SLC5A8: variants seen among roughly 807,000 people sequenced by gnomAD.
The protein encoded by SLC5A8 is sodium-coupled monocarboxylate transporter 1.
In SLC5A8, 55 loss-of-function variants were observed where a neutral mutation model predicts 71.9. That is an observed-to-expected ratio of 0.77 (90% confidence interval 0.62 to 0.96). SLC5A8 has a LOEUF of 0.96. Among genes scored for constraint, SLC5A8 ranks in the 40% least tolerant of loss-of-function variants. The pLI, the probability that SLC5A8 is intolerant of heterozygous loss-of-function variation, is 0.00. For missense variants in SLC5A8, 701 were observed against 745.3 expected, an observed-to-expected ratio of 0.94 and a Z score of 0.69; for synonymous variants, 307 against 276.1, an observed-to-expected ratio of 1.11 and a Z score of -1.11.
At chr12:101,182,706 G>C in intron 9 of SLC5A8, 97 bp downstream of exon 9, 1 of 754,702 alleles carries the variant, frequency 1.3e-6, no homozygotes. Context: ...GTCATATTCA[G>C]AGGTCCTTCC....
At chr12:101,171,495 C>A (rs555298693) in intron 10 of SLC5A8, among the ~76,000 whole-genome samples, 228 of 152,286 alleles carry the variant, frequency 1.5e-3, no homozygotes, top group African/African-American at 5.3e-3. Flanking sequence ...AGAAATGGAT[C>A]TTCTGTAGGA....
intron 7 of SLC5A8, among the ~76,000 whole-genome samples, chr12:101,185,175 T>G (rs1369146193): frequency 6.6e-6 from 1 of 152,226 alleles, no homozygotes; most frequent in African/African-American, 2.4e-5. Context: ...TTTCAGTTCT[T>G]TTAGGACTGT....
intron 1 of SLC5A8, among the ~76,000 whole-genome samples, chr12:101,208,467 G>A (rs948558573): frequency 6.6e-6 from 1 of 152,294 alleles, no homozygotes; most frequent in East Asian, 1.9e-4. Flanking sequence ...AAGGACCAGT[G>A]CTGGGTGAGG....
chr12:101,180,126 A>G, intron 9 of SLC5A8, 30 bp from the exon 10 acceptor site: 1 of 1,605,000 alleles, frequency 6.2e-7, no homozygotes, highest in Non-Finnish European at 8.5e-7. Context: ...GCCAGTGTAA[A>G]ATCCACACCC....
rs754825784 is a variant in SLC5A8, at chr12:101,157,262, C to T, written c.*17G>A. On this transcript the variant is annotated 3_prime_UTR_variant, in exon 15 of 15. Transcript: ENST00000536262. Reference sequence around the variant, plus strand: ...AAATTGAAACATCATTTAAGGATATCTAGTATCAGAGCAGCTTCACAAACG... The same window carrying T: ...AAATTGAAACATCATTTAAGGATATTTAGTATCAGAGCAGCTTCACAAACG... The T allele has an allele frequency of 3.1e-6, 5 of 1,606,512 alleles. No individual in the cohort carries two copies. The East Asian group carries it at 8.9e-5, about 29-fold the overall frequency.
At chr12:101,157,940 T>G (rs2051682102) in intron 14 of SLC5A8, among the ~76,000 whole-genome samples, 1 of 151,996 alleles carries the variant, frequency 6.6e-6, no homozygotes, top group African/African-American at 2.4e-5. Flanking sequence ...AGATATAGGT[T>G]ATCAGAGGAT....
intron 7 of SLC5A8, among the ~76,000 whole-genome samples, chr12:101,186,653 G>A (rs752736562): frequency 2.8e-4 from 43 of 152,122 alleles, no homozygotes; most frequent in Non-Finnish European, 5.0e-4. Context: ...AACTTCTCTA[G>A]GCCTGAGTTC....
At position 101,162,935 on chromosome 12, in the gene SLC5A8, T is replaced by C. The variant is rs536387042; in HGVS notation, c.1527-858A>G. Reference sequence around the variant, plus strand: ...TAATTTCCACTAGTAGAAAGTGCTGTAAGGAAAGTAAAACAAGATGATGTG... The same window carrying C: ...TAATTTCCACTAGTAGAAAGTGCTGCAAGGAAAGTAAAACAAGATGATGTG... On this transcript the variant is annotated intron_variant, in intron 12 of 14. Transcript: ENST00000536262. 2.5e-3 allele frequency among the ~76,000 whole-genome samples: 373 copies of C among 152,194 alleles called. 2 individuals are homozygous for C. The highest frequency in any genetic ancestry group is 8.1e-3 in the African/African-American group (336 of 41,510).
intron 8 of SLC5A8, 40 bp downstream of exon 8, chr12:101,184,094 C>T (rs1476003189): frequency 6.4e-7 from 1 of 1,572,416 alleles, no homozygotes; most frequent in East Asian, 2.2e-5. Flanking sequence ...AGAAAGATCC[C>T]AACAGGGAAA....
Position 101,209,700 on chromosome 12 carries a change from C to A in SLC5A8, c.149G>T (p.Arg50Leu). The change falls in exon 1 of 15, where the codon CGC (arginine) becomes CTC (leucine). Residue 50 changes from arginine to leucine, a missense_variant. By Grantham distance (102) the Arg-to-Leu change is moderately radical. Transcript: ENST00000536262. Reference protein sequence around the residue: ...QTSKDFLMGGRRMTAVPVALS... With the variant: ...QTSKDFLMGGLRMTAVPVALS... ...CGCCACGGGCACTGCGGTCATTCTG[C>A]GGCCGCCCATCAGGAAGTCCTTGGA... 6.2e-7 allele frequency: 1 copy of A among 1,613,310 alleles called. No individual in the cohort carries two copies. Among genetic ancestry groups the A allele is most frequent in the African/African-American group, 1.3e-5 (1 of 75,066 alleles).
At chr12:101,158,553 TC>T (rs1159133825) in intron 13 of SLC5A8, among the ~76,000 whole-genome samples, 3 of 26,030 alleles carry the variant, frequency 1.2e-4, no homozygotes, top group East Asian at 2.3e-3. Flanking sequence ...AATATGAGTC[TC>T]TCTCTCTCTC....
rs150170349 is a variant in SLC5A8 at position 101,176,989 on chromosome 12, G to A, written c.1233+3040C>T. ...AAAAATCAATGAAAAAAAGAAGCTG[G>A]TTCTTTGAAAACATCAATGAAATTG... is the stretch of plus-strand genomic sequence containing the variant. On this transcript the variant is annotated intron_variant, in intron 10 of 14. Transcript: ENST00000536262. 1.7e-3 allele frequency among the ~76,000 whole-genome samples: 262 copies of A among 152,046 alleles called. 2 individuals carry two copies. The highest frequency in any genetic ancestry group is 6.8e-3 in the Middle Eastern group (2 of 294).
chr12:101,168,702 T>A (rs995622585), intron 10 of SLC5A8, among the ~76,000 whole-genome samples: 1 of 152,228 alleles, frequency 6.6e-6, no homozygotes, highest in African/African-American at 2.4e-5. Flanking sequence ...GAAATAGATT[T>A]AAAATCTAAT....
At position 101,180,034 on chromosome 12, in the gene SLC5A8, A is replaced by G. The variant is rs61738704; in HGVS notation, c.1228T>C (p.Leu410=). The G allele has an allele frequency of 0.034, 55,515 of 1,613,960 alleles. 1,126 individuals carry two copies. Among genetic ancestry groups the G allele is most frequent in the South Asian group, 0.048 (4,344 of 91,066 alleles). ...AALASLMGAL[L]QAALSVFGMV... Reference sequence around the variant, plus strand: ...CTCCAGGGGCCAGCTCTCACCTGCAACAAAGCTCCCATAAGTGACGCCAGC... The same window carrying G: ...CTCCAGGGGCCAGCTCTCACCTGCAGCAAAGCTCCCATAAGTGACGCCAGC... Residue 410 remains leucine (L), a synonymous_variant, in exon 10 of 15, where the codon TTG becomes CTG. Coordinates refer to ENST00000536262, the MANE Select transcript of SLC5A8 (RefSeq NM_145913.5).
intron 13 of SLC5A8, among the ~76,000 whole-genome samples, chr12:101,161,618 A>G (rs2051724042): frequency 6.6e-6 from 1 of 152,190 alleles, no homozygotes; most frequent in Admixed American, 6.5e-5. Context: ...AATCCCTAAC[A>G]TCATAGCAGT....
intron 2 of SLC5A8, among the ~76,000 whole-genome samples, 172 bp downstream of exon 2, chr12:101,204,328 T>C (rs966944697): frequency 5.9e-5 from 9 of 152,236 alleles, no homozygotes. Context: ...CACTGTTTGA[T>C]GATCTTAAGG....
intron 3 of SLC5A8, among the ~76,000 whole-genome samples, chr12:101,200,310 C>G (rs569606908): frequency 6.6e-6 from 1 of 152,102 alleles, no homozygotes; most frequent in African/African-American, 2.4e-5. Flanking sequence ...GGGTGGTAGT[C>G]ACACAAGCTA....
rs574696446 is a variant in SLC5A8, at chr12:101,205,652, C to T, written c.352-1087G>A. 2.6e-5 allele frequency among the ~76,000 whole-genome samples: 4 copies of T among 152,260 alleles called. No homozygotes were observed. In the South Asian group the frequency reaches 8.3e-4, roughly 32 times the overall value. ...GATCATGGCTAACACATACAGAGTA[C>T]TTGCTGTGTGCATGGTCCTCCCAAC... On this transcript the variant is annotated intron_variant, in intron 1 of 14. Transcript: ENST00000536262.
At chr12:101,183,020 C>A in intron 8 of SLC5A8, 105 bp from the exon 9 acceptor site, 1 of 337,472 alleles carries the variant, frequency 3.0e-6, no homozygotes, top group Admixed American at 5.3e-5. Flanking sequence ...AAAATATAAC[C>A]TGATTTCTAC....
Sources: allele counts gnomAD v4.1 joint callset (sites outside exome capture counted in the v4.1 genomes callset), GRCh38; gene constraint gnomAD v4.1.1; transcripts MANE v1.5; gene names NCBI Gene and HGNC (gene_info 2026-07-23, HGNC 2026-07-21).